Variants in RAPGEF4 observed in about 807,000 individuals in gnomAD.
RAPGEF4 encodes RAP guanine-nucleotide-exchange factor (GEF) 4.
Under a neutral mutation model 147.9 loss-of-function variants are expected in RAPGEF4, and 66 were observed. That is an observed-to-expected ratio of 0.45 (90% CI 0.37 to 0.55). RAPGEF4 has a LOEUF of 0.55. RAPGEF4 is among the 20% of genes least tolerant of loss of function. The pLI is 0.00. For missense variants in RAPGEF4, 1,071 were observed against 1,257.3 expected, an observed-to-expected ratio of 0.85 and a Z score of 2.24; for synonymous variants, 419 against 442.7, an observed-to-expected ratio of 0.95 and a Z score of 0.67.
chr2:172,978,091 GAGTCCCCATGGA>G (rs1691277839), intron 10 of RAPGEF4, among the ~76,000 whole-genome samples: 1 of 152,146 alleles, frequency 6.6e-6, no homozygotes, highest in African/African-American at 2.4e-5. Context: ...AGGCATCCAG[GAGTCCCCATGGA>G]AGCCTCTCTT....
intron 4 of RAPGEF4, among the ~76,000 whole-genome samples, chr2:172,841,493 T>C (rs749348999): frequency 3.9e-5 from 6 of 152,144 alleles, no homozygotes; most frequent in South Asian, 2.1e-4. Flanking sequence ...ATTGAGACAA[T>C]GCACACACAC....
intron 16 of RAPGEF4, among the ~76,000 whole-genome samples, chr2:172,999,508 C>CT (rs1693694437): frequency 6.6e-6 from 1 of 152,182 alleles, no homozygotes; most frequent in Admixed American, 6.5e-5. Context: ...ATTACACTCT[C>CT]TTAATTTACC....
intron 14 of RAPGEF4, 38 bp from the exon 15 acceptor site, chr2:172,990,772 G>A: frequency 6.7e-7 from 1 of 1,485,712 alleles, no homozygotes; most frequent in Non-Finnish European, 9.3e-7. Context: ...GTCTGAGTAA[G>A]CGGCAGCATC....
rs115997006 is a variant in RAPGEF4, at chr2:173,037,470, G to A, written c.2853+778G>A. 8.2e-4 allele frequency among the ~76,000 whole-genome samples: 125 copies of A among 152,202 alleles called. 1 individual carries two copies. The Middle Eastern group carries it at 0.01, about 12-fold the overall frequency. On this transcript the variant is annotated intron_variant, in intron 29 of 30. Transcript: ENST00000397081. ...CCTCCTCCTAGTCCTTACTCCTAGC[G>A]GGGGGGAAAGCAAGGTTATCTGGCT...
rs1686277531 is a variant in RAPGEF4, at chr2:173,051,794, T to C, written c.*27T>C. The C allele has an allele frequency of 1.9e-6, 3 of 1,610,822 alleles. No homozygotes were observed. In the East Asian group the frequency reaches 6.7e-5, roughly 36 times the overall value. ...CATTTCAAATGCCCAAAGCAACAGTTTGTCTCCAGTCCACAATCTTTCAAA... is the reference window on the plus strand; with the variant it reads ...CATTTCAAATGCCCAAAGCAACAGTCTGTCTCCAGTCCACAATCTTTCAAA... On this transcript the variant is annotated 3_prime_UTR_variant, in exon 31 of 31. Coordinates refer to ENST00000397081, the MANE Select transcript of RAPGEF4 (RefSeq NM_007023.4).
At chr2:173,010,733 A>G (rs1375483953) in intron 17 of RAPGEF4, among the ~76,000 whole-genome samples, 2 of 152,236 alleles carry the variant, frequency 1.3e-5, no homozygotes. Flanking sequence ...TAGAAACATC[A>G]GCATCTGATC....
intron 4 of RAPGEF4, among the ~76,000 whole-genome samples, chr2:172,912,513 C>T (rs1409908805): frequency 2.0e-5 from 3 of 152,178 alleles, no homozygotes; most frequent in Non-Finnish European, 4.4e-5. Flanking sequence ...CTTTGTTTTC[C>T]TGCCAATGCC....
intron 4 of RAPGEF4, among the ~76,000 whole-genome samples, chr2:172,874,497 T>C (rs1405128126): frequency 6.6e-6 from 1 of 152,066 alleles, no homozygotes. Context: ...GAACATGCGA[T>C]GTTTGGTTTT....
chr2:173,051,908 A>G lies in RAPGEF4; in HGVS notation c.*141A>G, dbSNP rs1173190570. 2 of 925,440 alleles carry G rather than the reference A, an allele frequency of 2.2e-6. No homozygotes were observed. The highest frequency in any genetic ancestry group is 2.7e-5 in the East Asian group (1 of 37,572). The allele number at this position is 925,440 out of a possible 1,614,324, so 57.3% of individuals were successfully genotyped here. ...ACATCCTGAGACACCTCAGGGCTGC[A>G]TTCAGCTTACCAGCTACCTAGCAAG... is the stretch of plus-strand genomic sequence containing the variant. On this transcript the variant is annotated 3_prime_UTR_variant, in exon 31 of 31. Coordinates refer to ENST00000397081, the MANE Select transcript of RAPGEF4 (RefSeq NM_007023.4).
At chr2:173,028,058 A>G (rs1696832989) in intron 25 of RAPGEF4, among the ~76,000 whole-genome samples, 1 of 152,228 alleles carries the variant, frequency 6.6e-6, no homozygotes, top group East Asian at 1.9e-4. Flanking sequence ...CCAAAATCAA[A>G]CATGGAGTTT....
At chr2:172,736,161 G>T in intron 1 of RAPGEF4, 113 bp downstream of exon 1, 2 of 796,368 alleles carry the variant, frequency 2.5e-6, no homozygotes, top group Non-Finnish European at 3.4e-6. Flanking sequence ...GGTGGCCGGG[G>T]TCCCCGAGCG....
intron 1 of RAPGEF4, among the ~76,000 whole-genome samples, chr2:172,749,754 G>A (rs1226659489): frequency 1.3e-5 from 2 of 152,104 alleles, no homozygotes; most frequent in Admixed American, 6.5e-5. Flanking sequence ...TGCATCATTG[G>A]GCTGTGAATT....
At chr2:172,975,342 A>G (rs1690958641) in intron 10 of RAPGEF4, among the ~76,000 whole-genome samples, 2 of 152,230 alleles carry the variant, frequency 1.3e-5, no homozygotes, top group African/African-American at 2.4e-5. Context: ...TATAGTTTAT[A>G]TAGTGGTCTC....
intron 4 of RAPGEF4, among the ~76,000 whole-genome samples, chr2:172,905,911 G>A (rs1699578357): frequency 6.6e-6 from 1 of 152,228 alleles, no homozygotes; most frequent in Non-Finnish European, 1.5e-5. Flanking sequence ...GGTCAACTCA[G>A]TCCAGCCAGT....
Position 172,818,249 on chromosome 2 carries a change from A to G in RAPGEF4, c.444+3824A>G, listed in dbSNP as rs147439055. 7.0e-4 allele frequency among the ~76,000 whole-genome samples: 107 copies of G among 152,248 alleles called. 4 individuals are homozygous for G. In the East Asian group the frequency reaches 0.019, roughly 27 times the overall value. On this transcript the variant is annotated intron_variant, in intron 4 of 30. Coordinates refer to ENST00000397081, the MANE Select transcript of RAPGEF4 (RefSeq NM_007023.4). ...GGGTACAGAGTACACTACTCAGGTG[A>G]TGGATGCACGAAAATCTCAGAAGTC...
At chr2:172,834,801 A>G (rs1170583711) in intron 4 of RAPGEF4, among the ~76,000 whole-genome samples, 1 of 152,204 alleles carries the variant, frequency 6.6e-6, no homozygotes. Context: ...TTTTCTACAC[A>G]CATTCTTTCT....
chr2:172,860,298 G>T (rs1162494999), intron 4 of RAPGEF4: 1 of 985,304 alleles, frequency 1.0e-6, no homozygotes, highest in African/African-American at 1.7e-5. Flanking sequence ...GAAGTGTCTG[G>T]TGTAAGTTTC....
intron 5 of RAPGEF4, among the ~76,000 whole-genome samples, chr2:172,919,316 G>A (rs146087513): frequency 6.6e-6 from 1 of 152,190 alleles, no homozygotes; most frequent in East Asian, 1.9e-4. Flanking sequence ...CTCACCTCCA[G>A]TCACTCTTCG....
intron 4 of RAPGEF4, among the ~76,000 whole-genome samples, chr2:172,877,506 A>G (rs902169942): frequency 2.6e-5 from 4 of 151,540 alleles, no homozygotes; most frequent in Non-Finnish European, 5.9e-5. Flanking sequence ...AATTTTGCAC[A>G]TGTATCTCAG....
Sources: allele counts gnomAD v4.1 joint callset (sites outside exome capture counted in the v4.1 genomes callset), GRCh38; gene constraint gnomAD v4.1.1; transcripts MANE v1.5; gene names NCBI Gene and HGNC (gene_info 2026-07-23, HGNC 2026-07-21).